The following NFIX variants were observed in gnomAD, a reference collection of about 807,000 sequenced individuals.
NFIX encodes nuclear factor 1 X-type.
In NFIX, 2 loss-of-function variants were observed where a neutral mutation model predicts 53.3. The observed-to-expected ratio is 0.04, with a 90% confidence interval of 0.02 to 0.12. The LOEUF (loss-of-function observed/expected upper bound fraction) is 0.12, where lower values mean the gene tolerates loss of function less well. Ranked by LOEUF, NFIX falls within the 10% of genes least tolerant of loss-of-function variation. The pLI is 1.00. For missense variants in NFIX, 310 were observed against 674.5 expected, an observed-to-expected ratio of 0.46 and a Z score of 5.99; for synonymous variants, 244 against 289.0, an observed-to-expected ratio of 0.84 and a Z score of 1.58.
At position 13,094,913 on chromosome 19, in the gene NFIX, T is replaced by C. The variant is rs2018348270; in HGVS notation, c.*264T>C. The C allele has an allele frequency of 3.9e-6, 2 of 512,576 alleles. No homozygotes were observed. Among genetic ancestry groups the C allele is most frequent in the Admixed American group, 3.3e-5 (1 of 30,746 alleles). The allele number at this position is 512,576 out of a possible 1,614,324, so 31.8% of individuals were successfully genotyped here. The stretch of plus-strand genomic sequence containing the variant: ...GCCAAGCAGAAAGAAACACGCGACA[T>C]GGACTCTGTCAAGTAGAGGACAGAA... On this transcript the variant is annotated 3_prime_UTR_variant, in exon 11 of 11. Transcript: ENST00000592199. The surrounding 1 kb of genome is among the most constrained non-coding windows in gnomAD (Gnocchi z 4.3).
chr19:13,018,348 G>A (rs1022941786), intron 1 of NFIX, among the ~76,000 whole-genome samples: 1 of 117,568 alleles, frequency 8.5e-6, no homozygotes, highest in African/African-American at 2.9e-5. Flanking sequence ...GGGGGGGGGG[G>A]GGGCGCGGTT....
chr19:13,084,737 G>A (rs1000629128), intron 8 of NFIX, among the ~76,000 whole-genome samples: 6 of 152,140 alleles, frequency 3.9e-5, no homozygotes, highest in Admixed American at 3.9e-4. Context: ...TACCATCATT[G>A]TCTGAACAGC....
Position 13,073,635 on chromosome 19 carries a change from T to C in NFIX, c.697+139T>C, listed in dbSNP as rs1012996578. On this transcript the variant is annotated intron_variant, in intron 4 of 10. Transcript: ENST00000592199. This position sits in a 1 kb window ranked among gnomAD's most constrained non-coding sequence, Gnocchi z 4.5. ...TCTGGGACACTCTCGGCTTCACTGG[T>C]GCTGGGCTGGGTACAATAGAGTCTT... is the stretch of plus-strand genomic sequence containing the variant. The C allele has an allele frequency of 2.6e-5, 22 of 844,388 alleles. 1 individual carries two copies. In the South Asian group the frequency reaches 3.4e-4, roughly 13 times the overall value. The allele number at this position is 844,388 out of a possible 1,614,324, so 52.3% of individuals were successfully genotyped here. A position where few individuals can be genotyped will look rare whatever the true frequency, so the allele number is the denominator to read the frequency against.
intron 7 of NFIX, among the ~76,000 whole-genome samples, chr19:13,079,182 G>C (rs893730192): frequency 1.3e-5 from 2 of 152,226 alleles, no homozygotes; most frequent in Non-Finnish European, 2.9e-5. Context: ...TGTGGGGCCT[G>C]GATGGAGAAG....
Position 13,028,862 on chromosome 19 carries a change from C to G in NFIX, c.559+3310C>G, listed in dbSNP as rs2013578672. On this transcript the variant is annotated intron_variant, in intron 2 of 10. Transcript: ENST00000592199. This position sits in a 1 kb window ranked among gnomAD's most constrained non-coding sequence, Gnocchi z 4.2. ...CCTAGAACCGCTGCTAGACTATCTC[C>G]AAAGTTTCTGCAGCACCCTGAAGGT... is the stretch of plus-strand genomic sequence containing the variant. Among the ~76,000 whole-genome samples the G allele has an allele frequency of 6.6e-6, 1 of 152,086 alleles. No individual in the cohort carries two copies. The highest frequency in any genetic ancestry group is 1.5e-5 in the Non-Finnish European group (1 of 68,020).
chr19:13,087,774 C>CAAAAAAA (rs1157966190), intron 8 of NFIX, among the ~76,000 whole-genome samples: 3 of 26,390 alleles, frequency 1.1e-4, no homozygotes, highest in Non-Finnish European at 1.3e-4. Flanking sequence ...AAAAGAGGAC[C>CAAAAAAA]AAAAAAAAAA....
At position 13,027,405 on chromosome 19, in the gene NFIX, C is replaced by T. The variant is rs2013452016; in HGVS notation, c.559+1853C>T. On this transcript the variant is annotated intron_variant, in intron 2 of 10. Transcript: ENST00000592199. The surrounding 1 kb of genome is among the most constrained non-coding windows in gnomAD (Gnocchi z 4.3). Reference sequence around the variant, plus strand: ...CAAGCCAGATTTGGGAGGGTGTGTGCCTGGTAGTATTGGAGGTGACTGGTG... The same window carrying T: ...CAAGCCAGATTTGGGAGGGTGTGTGTCTGGTAGTATTGGAGGTGACTGGTG... 6.6e-6 allele frequency among the ~76,000 whole-genome samples: 1 copy of T among 152,126 alleles called. No individual in the cohort carries two copies. The highest frequency in any genetic ancestry group is 1.9e-4 in the East Asian group (1 of 5,200).
chr19:13,039,799 C>A (rs148113217), intron 2 of NFIX, among the ~76,000 whole-genome samples: 1 of 152,212 alleles, frequency 6.6e-6, no homozygotes, highest in East Asian at 1.9e-4. Context: ...GCATCTGTCT[C>A]TCGCGCAGCT....
rs1033976068 is a variant in NFIX at position 13,051,812 on chromosome 19, G to C, written c.560-21235G>C. Among the ~76,000 whole-genome samples, 2 of 152,218 alleles carry C rather than the reference G, an allele frequency of 1.3e-5. No individual in the cohort carries two copies. The highest frequency in any genetic ancestry group is 4.8e-5 in the African/African-American group (2 of 41,456). On this transcript the variant is annotated intron_variant, in intron 2 of 10. Coordinates refer to ENST00000592199, the MANE Select transcript of NFIX (RefSeq NM_001365902.3). This position sits in a 1 kb window ranked among gnomAD's most constrained non-coding sequence, Gnocchi z 5.1. Reference sequence around the variant, plus strand: ...GTGTCAACAGGCCCCAGGGGTTAAAGAAACACAACCCGCCGCTGCCGCCTT... The same window carrying C: ...GTGTCAACAGGCCCCAGGGGTTAAACAAACACAACCCGCCGCTGCCGCCTT...
chr19:13,084,576 G>A (rs1288532925), intron 8 of NFIX, among the ~76,000 whole-genome samples: 2 of 152,248 alleles, frequency 1.3e-5, no homozygotes, highest in Non-Finnish European at 2.9e-5. Context: ...ACACTATGCA[G>A]AGGAGATGCA....
Position 12,998,505 on chromosome 19 carries a change from G to T in NFIX, c.27+2641G>T, listed in dbSNP as rs1024364214. Among the ~76,000 whole-genome samples the T allele has an allele frequency of 1.3e-5, 2 of 152,188 alleles. No homozygotes were observed. The highest frequency in any genetic ancestry group is 3.9e-4 in the East Asian group (2 of 5,168). On this transcript the variant is annotated intron_variant, in intron 1 of 10. Coordinates refer to ENST00000592199, the MANE Select transcript of NFIX (RefSeq NM_001365902.3). The surrounding 1 kb of genome is among the most constrained non-coding windows in gnomAD (Gnocchi z 4.4). ...TAGAAAAAGCATCGAAATTCAGGGC[G>T]GCCGGGTGGGGCGGTTCCTGGAGCT...
intron 8 of NFIX, among the ~76,000 whole-genome samples, chr19:13,087,046 G>A (rs945796224): frequency 1.3e-5 from 2 of 152,220 alleles, no homozygotes; most frequent in African/African-American, 2.4e-5. Context: ...CTGAGCCCAC[G>A]CTGCAGTGGT....
rs2011692853 is a variant in NFIX at position 13,001,491 on chromosome 19, G to A, written c.27+5627G>A. On this transcript the variant is annotated intron_variant, in intron 1 of 10. Transcript: ENST00000592199. The surrounding 1 kb of genome is among the most constrained non-coding windows in gnomAD (Gnocchi z 6.5). ...GCACGTCAACGGGTATTGGTGTACC[G>A]GTCACCATCTTTGTATCTGCGCTTT... Among the ~76,000 whole-genome samples the A allele has an allele frequency of 1.3e-5, 2 of 152,268 alleles. No homozygotes were observed. Among genetic ancestry groups the A allele is most frequent in the East Asian group, 1.9e-4 (1 of 5,190 alleles).
chr19:13,012,658 C>G lies in NFIX; in HGVS notation c.28-12363C>G, dbSNP rs952131783. Reference sequence around the variant, plus strand: ...CTCCTCCTGCGCCCATCCTGACATCCGACGGAGGATAATGCGCGTTGGAGG... The same window carrying G: ...CTCCTCCTGCGCCCATCCTGACATCGGACGGAGGATAATGCGCGTTGGAGG... On this transcript the variant is annotated intron_variant, in intron 1 of 10. Transcript: ENST00000592199. This position sits in a 1 kb window ranked among gnomAD's most constrained non-coding sequence, Gnocchi z 5.0. Among the ~76,000 whole-genome samples the G allele has an allele frequency of 6.6e-6, 1 of 152,226 alleles. No individual in the cohort carries two copies. The highest frequency in any genetic ancestry group is 1.9e-4 in the East Asian group (1 of 5,196).
At chr19:13,039,912 G>A (rs1052715162) in intron 2 of NFIX, among the ~76,000 whole-genome samples, 1 of 152,130 alleles carries the variant, frequency 6.6e-6, no homozygotes, top group African/African-American at 2.4e-5. Flanking sequence ...GCTCACGATG[G>A]TATAAAAATC....
intron 2 of NFIX, among the ~76,000 whole-genome samples, chr19:13,046,476 C>CT (rs1022701595): frequency 1.5e-4 from 22 of 150,806 alleles, no homozygotes; most frequent in East Asian, 3.9e-4. Context: ...CCCCCCCCCT[C>CT]TTTTTTTTGC....
At chr19:13,017,201 C>T (rs1034824632) in intron 1 of NFIX, among the ~76,000 whole-genome samples, 1 of 151,930 alleles carries the variant, frequency 6.6e-6, no homozygotes, top group Non-Finnish European at 1.5e-5. Context: ...CGGGGAGGGA[C>T]GGAGCGTGGC....
Position 13,025,308 on chromosome 19 carries a change from C to T in NFIX, c.315C>T (p.Leu105=), listed in dbSNP as rs1488280271. The T allele has an allele frequency of 6.2e-7, 1 of 1,614,098 alleles. No homozygotes were observed. The highest frequency in any genetic ancestry group is 1.7e-5 in the Admixed American group (1 of 60,028). The change falls in exon 2 of 11, where the codon CTC becomes CTT. Residue 105 remains leucine (L), a synonymous_variant. Transcript: ENST00000592199. This position sits in a 1 kb window ranked among gnomAD's most constrained non-coding sequence, Gnocchi z 7.5. ...GCAAGAAGCCCCCCTGCTGCGTGCT[C>T]TCCAACCCCGACCAGAAGGGCAAGA... ...ITGKKPPCCV[L]SNPDQKGKIR...
rs1342448014 is a variant in NFIX, at chr19:13,072,785, A to G, written c.560-262A>G. ...GCTCAGATACCCCACAGTGCACAGGATGGTCCCCACCAGAGAGAGCAATCC... is the reference window on the plus strand; with the variant it reads ...GCTCAGATACCCCACAGTGCACAGGGTGGTCCCCACCAGAGAGAGCAATCC... On this transcript the variant is annotated intron_variant, in intron 2 of 10. Transcript: ENST00000592199. This position sits in a 1 kb window ranked among gnomAD's most constrained non-coding sequence, Gnocchi z 4.0. 6.6e-6 allele frequency among the ~76,000 whole-genome samples: 1 copy of G among 152,174 alleles called. No homozygotes were observed. The highest frequency in any genetic ancestry group is 1.5e-5 in the Non-Finnish European group (1 of 68,020).
Sources: gnomAD v4.1 joint callset for allele counts (sites outside exome capture counted in the v4.1 genomes callset) on GRCh38, gnomAD v4.1.1 for gene constraint, Gnocchi (gnomAD v3.1) non-coding constraint, MANE v1.5 for transcripts, NCBI Gene and HGNC (gene_info 2026-07-23, HGNC 2026-07-21) for gene names.